The following PPFIA2 variants were observed in gnomAD, a reference collection of about 807,000 sequenced individuals.
The protein encoded by PPFIA2 is liprin-alpha-2.
PPFIA2 carries 46 observed loss-of-function variants against 175.5 expected under a neutral mutation model. That is an observed-to-expected ratio of 0.26 (90% CI 0.21 to 0.34). PPFIA2 has a LOEUF of 0.34. PPFIA2 is among the 10% of genes least tolerant of loss of function. The pLI is 1.00. For missense variants in PPFIA2, 1,179 were observed against 1,506.1 expected (o/e 0.78, Z 3.60); for synonymous variants, 568 against 511.4 (o/e 1.11, Z -1.49).
At chr12:81,710,079 G>A (rs1027569633) in intron 3 of PPFIA2, among the ~76,000 whole-genome samples, 8 of 151,466 alleles carry the variant, frequency 5.3e-5, no homozygotes, top group African/African-American at 1.9e-4. Flanking sequence ...TTTATTTTTT[G>A]TTGATTTCTA....
chr12:81,510,587 C>G (rs1010654681), intron 4 of PPFIA2, among the ~76,000 whole-genome samples: 1 of 151,948 alleles, frequency 6.6e-6, no homozygotes, highest in Non-Finnish European at 1.5e-5. Context: ...CCAATTTTAG[C>G]AACAACAAAG....
intron 28 of PPFIA2, among the ~76,000 whole-genome samples, chr12:81,270,244 T>A (rs2038687708): frequency 6.6e-6 from 1 of 152,238 alleles, no homozygotes; most frequent in Admixed American, 6.5e-5. Context: ...GCATTATTAA[T>A]GTCTGAACAT....
intron 4 of PPFIA2, among the ~76,000 whole-genome samples, chr12:81,629,771 T>C (rs2153494776): frequency 1.3e-5 from 2 of 152,274 alleles, no homozygotes; most frequent in Middle Eastern, 6.8e-3. Context: ...ACTGTTGCCT[T>C]TAAGAAATGA....
chr12:81,755,612 ATGAT>A (rs2084519579), intron 2 of PPFIA2, among the ~76,000 whole-genome samples: 2 of 152,168 alleles, frequency 1.3e-5, no homozygotes, highest in South Asian at 4.1e-4. Flanking sequence ...TTATCTGTGA[ATGAT>A]CTGGTCAGGG....
At chr12:81,543,729 T>C (rs2066562933) in intron 4 of PPFIA2, among the ~76,000 whole-genome samples, 1 of 152,044 alleles carries the variant, frequency 6.6e-6, no homozygotes, top group South Asian at 2.1e-4. Context: ...CGACAAACAA[T>C]TCCTCAGCCA....
chr12:81,449,488 C>CAAAAA (rs552912790), intron 5 of PPFIA2, among the ~76,000 whole-genome samples: 5 of 93,282 alleles, frequency 5.4e-5, no homozygotes, highest in Admixed American at 1.2e-4. Context: ...TTACTTCAGA[C>CAAAAA]AAAAAAAAAA....
At chr12:81,681,097 G>A (rs78257533) in intron 3 of PPFIA2, among the ~76,000 whole-genome samples, 5 of 151,948 alleles carry the variant, frequency 3.3e-5, no homozygotes, top group South Asian at 2.1e-4. Flanking sequence ...CTTATCACTC[G>A]AATCTGTAGA....
chr12:81,277,039 T>G (rs545507893), intron 28 of PPFIA2, among the ~76,000 whole-genome samples: 29 of 152,290 alleles, frequency 1.9e-4, no homozygotes, highest in Admixed American at 1.6e-3. Flanking sequence ...TGGAGACATC[T>G]TTAGTATAAG....
At chr12:81,683,397 T>C (rs957476835) in intron 3 of PPFIA2, among the ~76,000 whole-genome samples, 3 of 152,012 alleles carry the variant, frequency 2.0e-5, no homozygotes, top group Non-Finnish European at 4.4e-5. Context: ...GAATTTGTTA[T>C]CTCCCTCTCC....
At chr12:81,667,229 C>G (rs1286172859) in intron 4 of PPFIA2, among the ~76,000 whole-genome samples, 1 of 152,062 alleles carries the variant, frequency 6.6e-6, no homozygotes, top group Non-Finnish European at 1.5e-5. Context: ...CCTTTGAAAC[C>G]TCTATTTTAC....
intron 4 of PPFIA2, among the ~76,000 whole-genome samples, chr12:81,669,301 C>G (rs2070969050): frequency 6.6e-6 from 1 of 151,914 alleles, no homozygotes; most frequent in African/African-American, 2.4e-5. Flanking sequence ...ATAATACCCT[C>G]AATCTCCTTT....
chr12:81,377,388 A>G (rs1292334688), intron 9 of PPFIA2, among the ~76,000 whole-genome samples: 2 of 151,968 alleles, frequency 1.3e-5, no homozygotes, highest in Non-Finnish European at 2.9e-5. Context: ...CGTCTCTACT[A>G]AAAATACAAA....
intron 27 of PPFIA2, 81 bp from the exon 28 acceptor site, chr12:81,277,495 A>T: frequency 7.6e-7 from 1 of 1,312,790 alleles, no homozygotes; most frequent in Non-Finnish European, 9.8e-7. Flanking sequence ...GCCATAGTCA[A>T]CACTATGCAC....
At chr12:81,312,092 C>T in intron 22 of PPFIA2, 1 of 1,482,598 alleles carries the variant, frequency 6.7e-7, no homozygotes, top group Non-Finnish European at 9.1e-7. Context: ...GAGTAATACT[C>T]TGAAAAAAGA....
chr12:81,725,731 A>C (rs1399759602), intron 3 of PPFIA2, among the ~76,000 whole-genome samples: 1 of 151,034 alleles, frequency 6.6e-6, no homozygotes, highest in East Asian at 1.9e-4. Context: ...TGAAAGAAAC[A>C]AGCACAGACA....
At chr12:81,668,018 C>T (rs2070685731) in intron 4 of PPFIA2, among the ~76,000 whole-genome samples, 1 of 152,042 alleles carries the variant, frequency 6.6e-6, no homozygotes, top group Admixed American at 6.6e-5. Context: ...TACTGGACTT[C>T]TAAATTGGGA....
intron 28 of PPFIA2, among the ~76,000 whole-genome samples, chr12:81,269,959 C>T (rs73350730): frequency 0.052 from 7,907 of 151,984 alleles, 377 homozygotes; most frequent in African/African-American, 0.13. Context: ...AACAACACAT[C>T]GGGTACAGGG....
chr12:81,475,978 T>C (rs2057424413), intron 4 of PPFIA2, among the ~76,000 whole-genome samples: 1 of 152,174 alleles, frequency 6.6e-6, no homozygotes, highest in Non-Finnish European at 1.5e-5. Flanking sequence ...AGCAATGTGG[T>C]AACTTTTTAT....
At chr12:81,452,973 A>G (rs1287554174) in intron 5 of PPFIA2, among the ~76,000 whole-genome samples, 1 of 151,528 alleles carries the variant, frequency 6.6e-6, no homozygotes, top group African/African-American at 2.4e-5. Context: ...GTTTCTCAAA[A>G]CCATAACGTT....
Sources: allele counts gnomAD v4.1 joint callset (sites outside exome capture counted in the v4.1 genomes callset), GRCh38; gene constraint gnomAD v4.1.1; transcripts MANE v1.5; gene names NCBI Gene and HGNC (gene_info 2026-07-23, HGNC 2026-07-21).